The following SHISA9 variants were observed in gnomAD, a reference collection of about 807,000 sequenced individuals.
The protein encoded by SHISA9 is shisa family member 9, also known as protein shisa-9.
SHISA9 carries 13 observed loss-of-function variants against 38.0 expected under a neutral mutation model. The ratio of observed to expected loss-of-function variants is 0.34; its 90% CI spans 0.22 to 0.54. The LOEUF is 0.54. Among genes scored for constraint, SHISA9 ranks in the 20% least tolerant of loss-of-function variants. The probability of loss-of-function intolerance (pLI) is 0.91; values close to 1 mark genes in which losing one functional copy is unlikely to be tolerated. For synonymous variants in SHISA9, 275 were observed against 242.0 expected, an observed-to-expected ratio of 1.14 and a Z score of -1.27; for missense variants, 538 against 575.8, an observed-to-expected ratio of 0.93 and a Z score of 0.67.
the SHISA9 span, among the ~76,000 whole-genome samples, chr16:13,266,787 G>A: frequency 1.3e-5 from 2 of 152,056 alleles, no homozygotes; most frequent in African/African-American, 4.8e-5. Flanking sequence ...AAGGAGGGAA[G>A]GATGAAAAAC....
chr16:13,386,808 A>C, the SHISA9 span, among the ~76,000 whole-genome samples: 6,344 of 152,190 alleles, frequency 0.042, 277 homozygotes, highest in African/African-American at 0.11. Flanking sequence ...ATGTTTAATT[A>C]CTTTGTAATT....
At chr16:13,434,722 A>C in the SHISA9 span, among the ~76,000 whole-genome samples, 2 of 152,156 alleles carry the variant, frequency 1.3e-5, no homozygotes, top group Non-Finnish European at 2.9e-5. Flanking sequence ...CAGGCCTAGA[A>C]AAGCTATGTT....
At chr16:13,304,709 C>G in the SHISA9 span, among the ~76,000 whole-genome samples, 1 of 152,118 alleles carries the variant, frequency 6.6e-6, no homozygotes, top group Non-Finnish European at 1.5e-5. Context: ...GAGGTGAGTT[C>G]TATTATTAGT....
chr16:13,039,880 C>G (rs1382836506), intron 2 of SHISA9, among the ~76,000 whole-genome samples: 4 of 152,190 alleles, frequency 2.6e-5, no homozygotes, highest in Admixed American at 2.6e-4. Context: ...CTTCAGTTTC[C>G]TAATCTGAAA....
At chr16:13,404,255 A>G in the SHISA9 span, among the ~76,000 whole-genome samples, 4 of 152,346 alleles carry the variant, frequency 2.6e-5, no homozygotes, top group East Asian at 5.8e-4. Flanking sequence ...CTTCTATGCT[A>G]TCACAGAGAT....
intron 2 of SHISA9, among the ~76,000 whole-genome samples, chr16:12,927,646 C>A (rs1425839522): frequency 6.6e-6 from 1 of 151,550 alleles, no homozygotes; most frequent in African/African-American, 2.4e-5. Context: ...TGGACTCAAG[C>A]AATCCTCTTG....
At chr16:13,380,979 C>A in the SHISA9 span, among the ~76,000 whole-genome samples, 1 of 152,014 alleles carries the variant, frequency 6.6e-6, no homozygotes, top group African/African-American at 2.4e-5. Context: ...TTCATCCATG[C>A]CCCTGCAAAG....
chr16:13,247,635 G>T, the SHISA9 span, among the ~76,000 whole-genome samples: 1 of 152,170 alleles, frequency 6.6e-6, no homozygotes, highest in African/African-American at 2.4e-5. Context: ...TTCACTGTCA[G>T]CTTGGCATCT....
At chr16:13,508,649 T>C in the SHISA9 span, among the ~76,000 whole-genome samples, 3 of 152,196 alleles carry the variant, frequency 2.0e-5, no homozygotes, top group Non-Finnish European at 4.4e-5. Flanking sequence ...AAAGATAAAA[T>C]TCATTGTAGA....
chr16:13,110,113 A>C (rs2073963171), intron 2 of SHISA9, among the ~76,000 whole-genome samples: 1 of 152,162 alleles, frequency 6.6e-6, no homozygotes, highest in South Asian at 2.1e-4. Flanking sequence ...TGCTCTCCCC[A>C]CCACATATAG....
At chr16:13,315,338 G>A in the SHISA9 span, among the ~76,000 whole-genome samples, 2 of 152,196 alleles carry the variant, frequency 1.3e-5, no homozygotes, top group Non-Finnish European at 2.9e-5. Context: ...TATGTCAAAG[G>A]ACGTAGCATA....
chr16:13,414,280 G>A, the SHISA9 span, among the ~76,000 whole-genome samples: 1 of 152,166 alleles, frequency 6.6e-6, no homozygotes, highest in South Asian at 2.1e-4. Context: ...GTCCTGTTGT[G>A]AAAGCAGCAT....
chr16:13,106,966 TTCTCTCTCTCTC>T (rs56109043), intron 2 of SHISA9, among the ~76,000 whole-genome samples: 39 of 145,308 alleles, frequency 2.7e-4, no homozygotes, highest in South Asian at 1.3e-3. Context: ...CTTTCTCACG[TTCTCTCTCTCTC>T]TCTCTCTCTC....
chr16:12,920,418 C>T (rs892403195), intron 2 of SHISA9, among the ~76,000 whole-genome samples: 1 of 152,090 alleles, frequency 6.6e-6, no homozygotes, highest in Admixed American at 6.6e-5. Context: ...TGAATAAGAC[C>T]TACTGTTTGA....
At chr16:13,264,975 C>T in the SHISA9 span, among the ~76,000 whole-genome samples, 1 of 146,844 alleles carries the variant, frequency 6.8e-6, no homozygotes, top group Non-Finnish European at 1.5e-5. Context: ...CTGTTTTTCC[C>T]CTCCTCTTTT....
the SHISA9 span, among the ~76,000 whole-genome samples, chr16:13,294,728 C>T: frequency 2.0e-5 from 3 of 152,132 alleles, no homozygotes; most frequent in Non-Finnish European, 4.4e-5. Context: ...CATTGGAGAG[C>T]AGGGGTCTCA....
the SHISA9 span, among the ~76,000 whole-genome samples, chr16:13,553,120 A>C: frequency 6.6e-6 from 1 of 152,098 alleles, no homozygotes; most frequent in Non-Finnish European, 1.5e-5. Context: ...CCTGACTGAG[A>C]ACCACTGGAC....
chr16:13,536,548 AACTGTGAACACACAAAG>A, the SHISA9 span, among the ~76,000 whole-genome samples: 1 of 152,226 alleles, frequency 6.6e-6, no homozygotes, highest in African/African-American at 2.4e-5. Context: ...AAGCATAAAG[AACTGTGAACACACAAAG>A]CAAGGGCACC....
At chr16:13,297,533 A>T in the SHISA9 span, among the ~76,000 whole-genome samples, 2 of 152,290 alleles carry the variant, frequency 1.3e-5, no homozygotes, top group Admixed American at 6.5e-5. Context: ...TACCTGAGTG[A>T]TGTGAGAAAA....
Sources: allele counts gnomAD v4.1 joint callset (sites outside exome capture counted in the v4.1 genomes callset), GRCh38; gene constraint gnomAD v4.1.1; transcripts MANE v1.5; gene names NCBI Gene and HGNC (gene_info 2026-07-23, HGNC 2026-07-21).